The following SMYD3 variants were observed in gnomAD, a reference collection of about 807,000 sequenced individuals.
SMYD3 encodes the protein SET and MYND domain containing 3, also known as histone-lysine N-methyltransferase SMYD3.
In SMYD3, 36 loss-of-function variants were observed where a neutral mutation model predicts 57.7. That is an observed-to-expected ratio of 0.62 (90% CI 0.48 to 0.82). SMYD3 has a LOEUF of 0.82. Among genes scored for constraint, SMYD3 ranks in the 40% least tolerant of loss-of-function variants. The probability of loss-of-function intolerance (pLI) is 0.00; values close to 1 mark genes in which losing one functional copy is unlikely to be tolerated. For missense variants in SMYD3, 515 were observed against 538.8 expected, an observed-to-expected ratio of 0.96 and a Z score of 0.44; for synonymous variants, 211 against 195.0, an observed-to-expected ratio of 1.08 and a Z score of -0.68.
chr1:245,971,814 A>G (rs554176296), intron 5 of SMYD3, among the ~76,000 whole-genome samples: 41 of 152,200 alleles, frequency 2.7e-4, no homozygotes, highest in Non-Finnish European at 4.9e-4. Flanking sequence ...ACTAACACTT[A>G]AAACAACTCT....
At chr1:246,000,101 G>A (rs1213798191) in intron 5 of SMYD3, among the ~76,000 whole-genome samples, 3 of 152,182 alleles carry the variant, frequency 2.0e-5, no homozygotes, top group Admixed American at 2.0e-4. Flanking sequence ...GTTTTCTCTT[G>A]CCTAGTTTCT....
At chr1:245,936,503 T>C (rs1187947615) in intron 5 of SMYD3, among the ~76,000 whole-genome samples, 5 of 152,186 alleles carry the variant, frequency 3.3e-5, no homozygotes, top group Non-Finnish European at 5.9e-5. Context: ...ATAATCCAGC[T>C]GGTTTCTTAA....
At position 246,355,395 on chromosome 1, in the gene SMYD3, T is replaced by C; in HGVS notation, c.165-301A>G. On this transcript the variant is annotated intron_variant, in intron 1 of 11. Transcript: ENST00000490107. This position sits in a 1 kb window ranked among gnomAD's most constrained non-coding sequence, Gnocchi z 5.0. ...GTGTGGGGACTCACACTGTGAACTT[T>C]TGATCCAACAACTGCCACAGCAACA... is the stretch of plus-strand genomic sequence containing the variant. 3.2e-6 allele frequency: 1 copy of C among 310,376 alleles called. No homozygotes were observed. The highest frequency in any genetic ancestry group is 6.0e-6 in the Non-Finnish European group (1 of 166,496). 19.2% of individuals were successfully genotyped at this position (310,376 alleles called of 1,614,324 possible). A position where few individuals can be genotyped will look rare whatever the true frequency, so the allele number is the denominator to read the frequency against.
At chr1:246,218,615 C>T (rs12116946) in intron 5 of SMYD3, among the ~76,000 whole-genome samples, 39,584 of 148,390 alleles carry the variant, frequency 0.27, 5,920 homozygotes, top group East Asian at 0.58. Flanking sequence ...AGCGAGACTC[C>T]GTCTCAAAAA....
chr1:246,410,825 T>C (rs1217627284), intron 1 of SMYD3, among the ~76,000 whole-genome samples: 2 of 152,168 alleles, frequency 1.3e-5, no homozygotes, highest in African/African-American at 2.4e-5. Context: ...TGGTAAGCTA[T>C]TAATTATTGC....
intron 5 of SMYD3, among the ~76,000 whole-genome samples, chr1:246,119,884 G>A (rs994503259): frequency 2.0e-5 from 3 of 152,104 alleles, no homozygotes; most frequent in Non-Finnish European, 2.9e-5. Context: ...CCATCAGTTC[G>A]TGGCTGAGAT....
intron 8 of SMYD3, among the ~76,000 whole-genome samples, chr1:245,888,684 C>T (rs1013900696): frequency 5.3e-5 from 8 of 152,166 alleles, no homozygotes; most frequent in East Asian, 1.9e-4. Flanking sequence ...GTGTGATATT[C>T]GATGGATCTA....
chr1:246,228,375 G>A (rs4654096), intron 5 of SMYD3, among the ~76,000 whole-genome samples: 31,562 of 152,040 alleles, frequency 0.21, 3,992 homozygotes, highest in East Asian at 0.58. Flanking sequence ...AGGACTCTTG[G>A]GATTGTGTCC....
intron 5 of SMYD3, among the ~76,000 whole-genome samples, chr1:246,225,506 C>G (rs910210287): frequency 6.6e-6 from 1 of 152,040 alleles, no homozygotes; most frequent in African/African-American, 2.4e-5. Flanking sequence ...GAGACAATAA[C>G]TACATAGCAG....
chr1:245,794,561 G>A (rs992465505), intron 10 of SMYD3, among the ~76,000 whole-genome samples: 13 of 152,174 alleles, frequency 8.5e-5, no homozygotes, highest in Non-Finnish European at 1.5e-4. Context: ...GAATTTGAGG[G>A]TTCATGCCTT....
chr1:246,176,615 C>T (rs1040023840), intron 5 of SMYD3, among the ~76,000 whole-genome samples: 12 of 152,158 alleles, frequency 7.9e-5, no homozygotes, highest in African/African-American at 2.7e-4. Context: ...CTTGACCTCC[C>T]GGGCTCAGGC....
intron 7 of SMYD3, among the ~76,000 whole-genome samples, chr1:245,919,649 A>G (rs2055717613): frequency 6.6e-6 from 1 of 152,222 alleles, no homozygotes; most frequent in East Asian, 1.9e-4. Flanking sequence ...TGACAGCTAA[A>G]ATCATGTTAT....
intron 5 of SMYD3, among the ~76,000 whole-genome samples, chr1:246,216,939 C>A (rs563694897): frequency 5.9e-5 from 9 of 152,240 alleles, no homozygotes; most frequent in South Asian, 2.1e-4. Context: ...TAAAACCAAA[C>A]TCCTGAACAG....
intron 5 of SMYD3, among the ~76,000 whole-genome samples, chr1:246,190,584 CAAAAAAAAAA>C (rs11302731): frequency 1.6e-5 from 1 of 63,008 alleles, no homozygotes; most frequent in Admixed American, 2.4e-4. Context: ...GACTCTGTCT[CAAAAAAAAAA>C]AAAAAAAAAA....
chr1:246,489,471 A>G (rs1361975847), intron 1 of SMYD3, among the ~76,000 whole-genome samples: 1 of 152,236 alleles, frequency 6.6e-6, no homozygotes, highest in Non-Finnish European at 1.5e-5. Flanking sequence ...TCCCTATTTT[A>G]TGAATGAGAA....
intron 10 of SMYD3, among the ~76,000 whole-genome samples, chr1:245,801,655 G>A (rs1377130030): frequency 6.6e-6 from 1 of 150,818 alleles, no homozygotes; most frequent in Non-Finnish European, 1.5e-5. Flanking sequence ...AATGAGCCAA[G>A]GTATATAAAG....
chr1:245,756,165 T>C (rs2045596914), intron 11 of SMYD3, among the ~76,000 whole-genome samples: 1 of 149,190 alleles, frequency 6.7e-6, no homozygotes. Context: ...TACATGTGTA[T>C]GCATATTATA....
chr1:246,311,166 G>A (rs1410780142), intron 5 of SMYD3, among the ~76,000 whole-genome samples: 1 of 152,118 alleles, frequency 6.6e-6, no homozygotes, highest in East Asian at 1.9e-4. Context: ...CCTTGTCATG[G>A]AGAAAATGCC....
intron 5 of SMYD3, among the ~76,000 whole-genome samples, chr1:246,174,136 G>C (rs1198834157): frequency 6.6e-6 from 1 of 152,006 alleles, no homozygotes; most frequent in Non-Finnish European, 1.5e-5. Flanking sequence ...ATAAGTAGAA[G>C]GAGTGTGCTC....
Sources: allele counts gnomAD v4.1 joint callset (sites outside exome capture counted in the v4.1 genomes callset), GRCh38; gene constraint gnomAD v4.1.1; non-coding constraint Gnocchi (gnomAD v3.1); transcripts MANE v1.5; gene names NCBI Gene and HGNC (gene_info 2026-07-23, HGNC 2026-07-21).